Variants in ALPK3 observed in about 807,000 individuals in gnomAD.
ALPK3 encodes the protein alpha-protein kinase 3.
A neutral mutation model predicts 140.0 loss-of-function variants in ALPK3; 102 were observed. That is an observed-to-expected ratio of 0.73 (90% CI 0.62 to 0.86). The LOEUF (loss-of-function observed/expected upper bound fraction) is 0.86, where lower values mean the gene tolerates loss of function less well. ALPK3 is among the 40% of genes least tolerant of loss of function. The pLI, the probability that ALPK3 is intolerant of heterozygous loss-of-function variation, is 0.00. For synonymous variants in ALPK3, 938 were observed against 898.5 expected (o/e 1.04, Z -0.79); for missense variants, 2,254 against 2,208.2 (o/e 1.02, Z -0.42).
Position 84,859,791 on chromosome 15 carries a change from G to C in ALPK3, c.3981G>C (p.Gly1327=). The C allele has an allele frequency of 6.2e-7, 1 of 1,612,712 alleles. No homozygotes were observed. Among genetic ancestry groups the C allele is most frequent in the Non-Finnish European group, 8.5e-7 (1 of 1,179,864 alleles). Residue 1327 remains glycine, a synonymous_variant, in exon 8 of 14, where the codon GGG becomes GGC. Transcript: ENST00000258888. Reference sequence around the variant, plus strand: ...CACTCTGCAGCGCAGGGGATGAGGGGCCGGCGGCCTTGGCCATCGTGCAGG... The same window carrying C: ...CACTCTGCAGCGCAGGGGATGAGGGCCCGGCGGCCTTGGCCATCGTGCAGG... ...GEVGRSAGDE[G]PAALAIVQAS... is the part of the protein sequence containing the mutation.
In ALPK3 at chr15:84,868,551, G is replaced by A; in HGVS notation, c.*95G>A. On this transcript the variant is annotated 3_prime_UTR_variant, in exon 14 of 14. Transcript: ENST00000258888. ...CTTTCCAAATATGGAACTAACTGGA[G>A]AAGGTGCACGAAGGAGACACCACTT... The A allele has an allele frequency of 8.4e-7, 1 of 1,194,344 alleles. No homozygotes were observed. Among genetic ancestry groups the A allele is most frequent in the East Asian group, 2.6e-5 (1 of 39,120 alleles). The allele number at this position is 1,194,344 out of a possible 1,614,324, so 74.0% of individuals were successfully genotyped here.
rs993911691 is a variant in ALPK3 at position 84,858,534 on chromosome 15, A to G, written c.3796A>G (p.Lys1266Glu). ...GCAGGAGACACTGGCCAAGCCCAGG[A>G]AAGCCAAAGACCTGCTGAAAGGTGA... Reference protein sequence around the residue: ...GKQETLAKPRKAKDLLKAPQV... With the variant: ...GKQETLAKPREAKDLLKAPQV... Residue 1266 changes from lysine (K) to glutamate (E), a missense_variant, in exon 6 of 14, where the codon AAA becomes GAA. Transcript: ENST00000258888. 7 of 1,588,596 alleles carry G rather than the reference A, an allele frequency of 4.4e-6. No homozygotes were observed. The African/African-American group carries it at 8.0e-5, about 18-fold the overall frequency.
intron 5 of ALPK3, among the ~76,000 whole-genome samples, chr15:84,854,748 C>T (rs1260622373): frequency 6.6e-6 from 1 of 152,190 alleles, no homozygotes; most frequent in East Asian, 1.9e-4. Context: ...GTTTCTTCCC[C>T]TTTCCACTTT....
intron 1 of ALPK3, among the ~76,000 whole-genome samples, chr15:84,820,108 G>A (rs1963405613): frequency 6.6e-6 from 1 of 152,180 alleles, no homozygotes; most frequent in African/African-American, 2.4e-5. Flanking sequence ...GAGAAGTTAA[G>A]GGGCCAAAAT....
intron 3 of ALPK3, among the ~76,000 whole-genome samples, chr15:84,838,579 C>A (rs988742012): frequency 6.6e-6 from 1 of 151,128 alleles, no homozygotes; most frequent in African/African-American, 2.4e-5. Context: ...TGGGAAGCCA[C>A]GGCCTCGTGT....
At chr15:84,866,732 T>C (rs1400389150) in intron 12 of ALPK3, among the ~76,000 whole-genome samples, 2 of 152,238 alleles carry the variant, frequency 1.3e-5, no homozygotes, top group African/African-American at 4.8e-5. Context: ...GCCAGTCTTC[T>C]GTAGTGTTGC....
In ALPK3 at chr15:84,840,725, A is replaced by G. The variant is rs899839701; in HGVS notation, c.1446A>G (p.Arg482=). 6.2e-7 allele frequency: 1 copy of G among 1,613,772 alleles called. No homozygotes were observed. Among genetic ancestry groups the G allele is most frequent in the Non-Finnish European group, 8.5e-7 (1 of 1,179,872 alleles). The change falls in exon 5 of 14, where the codon AGA becomes AGG. Residue 482 remains arginine, a synonymous_variant. Coordinates refer to ENST00000258888, the MANE Select transcript of ALPK3 (RefSeq NM_020778.5). ...CGACTAGGCCTTTCAACAGAAAGAG[A>G]TTTGCCCCTCCAAAGCCCAAAGGAG... The part of the protein sequence containing the change: ...PQPTRPFNRK[R]FAPPKPKGEA...
Position 84,840,690 on chromosome 15 carries a change from A to C in ALPK3, c.1411A>C (p.Thr471Pro). Residue 471 changes from threonine (T) to proline (P), a missense_variant, in exon 5 of 14, where the codon ACC becomes CCC. Physicochemically the swap from Thr to Pro is conservative, Grantham distance 38. Coordinates refer to ENST00000258888, the MANE Select transcript of ALPK3 (RefSeq NM_020778.5). ...GAPGQPTHSL[T>P]PQPTRPFNRK... is the part of the protein sequence containing the mutation. Reference sequence around the variant, plus strand: ...TCCTGGCCAGCCCACACACTCCTTGACCCCCCAGCCGACTAGGCCTTTCAA... The same window carrying C: ...TCCTGGCCAGCCCACACACTCCTTGCCCCCCCAGCCGACTAGGCCTTTCAA... 6.2e-7 allele frequency: 1 copy of C among 1,606,740 alleles called. No homozygotes were observed. Among genetic ancestry groups the C allele is most frequent in the Non-Finnish European group, 8.5e-7 (1 of 1,176,572 alleles).
chr15:84,860,679 A>C (rs1175237107), intron 9 of ALPK3, among the ~76,000 whole-genome samples: 2 of 152,230 alleles, frequency 1.3e-5, no homozygotes, highest in Non-Finnish European at 2.9e-5. Flanking sequence ...TAACAAATGC[A>C]TTAATTCCTT....
intron 2 of ALPK3, among the ~76,000 whole-genome samples, chr15:84,824,819 A>G (rs985501534): frequency 1.3e-5 from 2 of 152,212 alleles, no homozygotes; most frequent in Non-Finnish European, 2.9e-5. Flanking sequence ...GGACAAGACC[A>G]TTTCCAGATG....
rs141379166 is a variant in ALPK3 at position 84,830,615 on chromosome 15, A to C, written c.304+3010A>C. On this transcript the variant is annotated intron_variant, in intron 3 of 13. Coordinates refer to ENST00000258888, the MANE Select transcript of ALPK3 (RefSeq NM_020778.5). ...TTTTTCTTTCTTGATTTACATTCTTATTTTGGCAGCTTTCTAGAAAGAGTA... is the reference window on the plus strand; with the variant it reads ...TTTTTCTTTCTTGATTTACATTCTTCTTTTGGCAGCTTTCTAGAAAGAGTA... Among the ~76,000 whole-genome samples, 231 of 152,092 alleles carry C rather than the reference A, an allele frequency of 1.5e-3. 2 individuals are homozygous for C. Among genetic ancestry groups the C allele is most frequent in the Middle Eastern group, 3.4e-3 (1 of 294 alleles).
rs749465164 is a variant in ALPK3, at chr15:84,857,913, C to G, written c.3175C>G (p.Arg1059Gly). ...QAGRQALAAA[R>G]GSWGPGPSSL... ...TGGCCGCCAGGCCCTTGCTGCTGCC[C>G]GAGGCTCCTGGGGTCCTGGTCCCAG... Residue 1059 changes from arginine to glycine, a missense_variant, in exon 6 of 14, where the codon CGA becomes GGA. This residue lies in a region of ALPK3 where 2,088 missense variants were observed against 2,022.9 expected (regional missense o/e 1.03). Coordinates refer to ENST00000258888, the MANE Select transcript of ALPK3 (RefSeq NM_020778.5). The G allele has an allele frequency of 6.2e-6, 10 of 1,611,036 alleles. No individual in the cohort carries two copies. The highest frequency in any genetic ancestry group is 6.8e-6 in the Non-Finnish European group (8 of 1,179,120).
chr15:84,865,012 C>A (rs993230330), intron 12 of ALPK3, among the ~76,000 whole-genome samples: 1 of 152,320 alleles, frequency 6.6e-6, no homozygotes, highest in East Asian at 1.9e-4. Context: ...TTCCCTGCAG[C>A]TTTGCTCTAG....
In ALPK3 at chr15:84,863,540, C is replaced by A; in HGVS notation, c.4411-12C>A. ...TTTCTTTGCTCACCACATTTGGTTC[C>A]CTCATCCACAGGGGTGCAAGATCCA... On this transcript the variant is annotated splice_polypyrimidine_tract_variant and intron_variant, in intron 10 of 13. Transcript: ENST00000258888. 1 of 1,613,044 alleles carries A rather than the reference C, an allele frequency of 6.2e-7. No individual in the cohort carries two copies. Among genetic ancestry groups the A allele is most frequent in the South Asian group, 1.1e-5 (1 of 90,908 alleles).
In ALPK3 at chr15:84,868,409, C is replaced by T. The variant is rs778887732; in HGVS notation, c.5071C>T (p.Gln1691Ter). 2 of 1,612,524 alleles carry T rather than the reference C, an allele frequency of 1.2e-6. No individual in the cohort carries two copies. Among genetic ancestry groups the T allele is most frequent in the South Asian group, 1.1e-5 (1 of 91,090 alleles). The change falls in exon 14 of 14, where the codon CAG (glutamine) becomes TAG (stop). Residue 1691 changes from glutamine (Q) to a stop codon, truncating the protein, a stop_gained. Transcript: ENST00000258888. LOFTEE classifies it high-confidence loss of function. ...GCCAGTCACCACTCAGTTGTTGGGA[C>T]AGCCTCCCACCCAAGAGGAGGGCTC... ...SEPVTTQLLGQPPTQEEGSKA... is the reference protein window; with the variant it reads ...SEPVTTQLLG
Position 84,869,830 on chromosome 15 carries a change from G to A in ALPK3, c.*1374G>A, listed in dbSNP as rs1487067856. On this transcript the variant is annotated 3_prime_UTR_variant, in exon 14 of 14. Coordinates refer to ENST00000258888, the MANE Select transcript of ALPK3 (RefSeq NM_020778.5). ...GCAGGCTCTCTGAGGGCATTCTGTAGTCCCAGGCCCACTGGAAAAATGAAT... is the reference window on the plus strand; with the variant it reads ...GCAGGCTCTCTGAGGGCATTCTGTAATCCCAGGCCCACTGGAAAAATGAAT... The A allele has an allele frequency of 1.3e-5, 2 of 152,640 alleles. No individual in the cohort carries two copies. Among genetic ancestry groups the A allele is most frequent in the African/African-American group, 4.8e-5 (2 of 41,442 alleles). 9.5% of individuals were successfully genotyped at this position (152,640 alleles called of 1,614,324 possible).
chr15:84,851,688 T>G (rs1963804120), intron 5 of ALPK3, among the ~76,000 whole-genome samples: 2 of 152,212 alleles, frequency 1.3e-5, no homozygotes, highest in Admixed American at 1.3e-4. Context: ...ATCCTTTACC[T>G]TGCTTTTTTA....
In ALPK3 at chr15:84,868,652, G is replaced by T; in HGVS notation, c.*196G>T. 1 of 624,152 alleles carries T rather than the reference G, an allele frequency of 1.6e-6. No individual in the cohort carries two copies. Among genetic ancestry groups the T allele is most frequent in the Non-Finnish European group, 2.7e-6 (1 of 363,892 alleles). The allele number at this position is 624,152 out of a possible 1,614,324, so 38.7% of individuals were successfully genotyped here. ...TTGGTGCATGGCACATAGCCCACTG[G>T]CCTCTTCTGGTGCCACTGTCACCCA... On this transcript the variant is annotated 3_prime_UTR_variant, in exon 14 of 14. Transcript: ENST00000258888.
chr15:84,863,780 A>C, intron 11 of ALPK3, 140 bp downstream of exon 11: 1 of 760,284 alleles, frequency 1.3e-6, no homozygotes, highest in Non-Finnish European at 2.0e-6. Flanking sequence ...TGCTCAGCTC[A>C]GTGGCCTCAC....
Sources: allele counts gnomAD v4.1 joint callset (sites outside exome capture counted in the v4.1 genomes callset), GRCh38; gene constraint gnomAD v4.1.1; regional missense constraint gnomAD v4.1.1; transcripts MANE v1.5; gene names NCBI Gene and HGNC (gene_info 2026-07-23, HGNC 2026-07-21).